LRRTM4: variants seen among roughly 807,000 people sequenced by gnomAD.
LRRTM4 encodes the protein leucine rich repeat transmembrane neuronal 4.
LRRTM4 carries 25 observed loss-of-function variants against 47.6 expected under a neutral mutation model. The ratio of observed to expected loss-of-function variants is 0.53; its 90% CI spans 0.38 to 0.73. LRRTM4 has a LOEUF of 0.73. Ranked by LOEUF, LRRTM4 falls within the 30% of genes least tolerant of loss-of-function variation. LRRTM4 has a pLI of 0.00. For missense variants in LRRTM4, 638 were observed against 713.4 expected (o/e 0.89, Z 1.20); for synonymous variants, 311 against 269.5 (o/e 1.15, Z -1.51).
chr2:76,836,305 C>T (rs780308561), intron 3 of LRRTM4, among the ~76,000 whole-genome samples: 12 of 151,866 alleles, frequency 7.9e-5, no homozygotes, highest in Non-Finnish European at 1.3e-4. Flanking sequence ...AAAAGCAAGA[C>T]CTAATCAAGT....
At chr2:77,517,789 G>A (rs916726851) in intron 3 of LRRTM4, 8 of 984,736 alleles carry the variant, frequency 8.1e-6, no homozygotes, top group Non-Finnish European at 9.6e-6. Flanking sequence ...TAAATGGCAA[G>A]TAACATGGGT....
chr2:76,914,258 A>G (rs922261015), intron 3 of LRRTM4, among the ~76,000 whole-genome samples: 1 of 147,956 alleles, frequency 6.8e-6, no homozygotes, highest in African/African-American at 2.7e-5. Flanking sequence ...TACATGAATA[A>G]TTTAATATAT....
intron 3 of LRRTM4, among the ~76,000 whole-genome samples, chr2:77,340,459 T>C (rs954819224): frequency 6.6e-6 from 1 of 151,982 alleles, no homozygotes; most frequent in African/African-American, 2.4e-5. Context: ...ACAGTGTAAG[T>C]TCTTACTAAA....
chr2:77,299,149 G>A (rs1039892240), intron 3 of LRRTM4, among the ~76,000 whole-genome samples: 4 of 151,862 alleles, frequency 2.6e-5, no homozygotes, highest in Middle Eastern at 3.4e-3. Flanking sequence ...ATTTTAATAC[G>A]ACACTCTACA....
intron 3 of LRRTM4, among the ~76,000 whole-genome samples, chr2:76,795,588 C>CAT (rs1032187404): frequency 9.6e-4 from 67 of 69,474 alleles, no homozygotes; most frequent in African/African-American, 1.6e-3. Context: ...TGCACACACA[C>CAT]ACATACACAC....
intron 3 of LRRTM4, among the ~76,000 whole-genome samples, chr2:76,903,371 CT>C (rs1416540353): frequency 2.0e-5 from 3 of 151,958 alleles, no homozygotes; most frequent in Non-Finnish European, 4.4e-5. Flanking sequence ...CCCATCTCTA[CT>C]AAAAATACAA....
Position 77,519,485 on chromosome 2 carries a change from T to C in LRRTM4, c.384A>G (p.Thr128=). 2 of 1,613,412 alleles carry C rather than the reference T, an allele frequency of 1.2e-6. No individual in the cohort carries two copies. The highest frequency in any genetic ancestry group is 1.7e-6 in the Non-Finnish European group (2 of 1,179,622). ...TGCGGAGATTGGGAACTGGGTGAAATGTTTTATTGTGCAGATAAGTAATTT... is the reference window on the plus strand; with the variant it reads ...TGCGGAGATTGGGAACTGGGTGAAACGTTTTATTGTGCAGATAAGTAATTT... The part of the protein sequence containing the change: ...SNKITYLHNK[T]FHPVPNLRNL... The change falls in exon 3 of 4, where the codon ACA becomes ACG. Residue 128 remains threonine (T), a synonymous_variant. Coordinates refer to ENST00000409884, the MANE Select transcript of LRRTM4 (RefSeq NM_001134745.3). This position sits in a 1 kb window ranked among gnomAD's most constrained non-coding sequence, Gnocchi z 4.6.
At chr2:77,262,936 A>G (rs141714434) in intron 3 of LRRTM4, among the ~76,000 whole-genome samples, 346 of 152,216 alleles carry the variant, frequency 2.3e-3, no homozygotes, top group African/African-American at 8.1e-3. Flanking sequence ...GTTTATATCA[A>G]TGAAGTAGCT....
chr2:76,795,637 G>A (rs1675256057), intron 3 of LRRTM4, among the ~76,000 whole-genome samples: 1 of 151,790 alleles, frequency 6.6e-6, no homozygotes, highest in African/African-American at 2.4e-5. Flanking sequence ...ATGGACACAG[G>A]TTGACTCCAT....
At chr2:77,302,325 A>G (rs754229984) in intron 3 of LRRTM4, among the ~76,000 whole-genome samples, 2 of 152,232 alleles carry the variant, frequency 1.3e-5, no homozygotes, top group African/African-American at 2.4e-5. Flanking sequence ...GAAATAGTAA[A>G]TAGATCTACT....
chr2:76,846,657 C>A (rs1441979701), intron 3 of LRRTM4, among the ~76,000 whole-genome samples: 2 of 152,190 alleles, frequency 1.3e-5, no homozygotes, highest in Non-Finnish European at 2.9e-5. Flanking sequence ...GGTTGGTTTG[C>A]CTGCTTTACT....
chr2:77,288,725 A>G (rs1032136787), intron 3 of LRRTM4, among the ~76,000 whole-genome samples: 1 of 152,092 alleles, frequency 6.6e-6, no homozygotes, highest in Non-Finnish European at 1.5e-5. Context: ...AATAATACCT[A>G]TGTAATGCTT....
In LRRTM4 at chr2:77,289,724, G is replaced by T. The variant is rs911608800; in HGVS notation, c.1551+228594C>A. Among the ~76,000 whole-genome samples the T allele has an allele frequency of 2.3e-4, 35 of 151,970 alleles. 1 individual carries two copies. Among genetic ancestry groups the T allele is most frequent in the African/African-American group, 7.5e-4 (31 of 41,394 alleles). ...TTGAATTTTGCATTCAAGATTACAT[G>T]ATAAGATTTTTGCCAATTTAATTGT... On this transcript the variant is annotated intron_variant, in intron 3 of 3. Coordinates refer to ENST00000409884, the MANE Select transcript of LRRTM4 (RefSeq NM_001134745.3).
intron 3 of LRRTM4, among the ~76,000 whole-genome samples, chr2:77,287,456 G>A (rs1676696689): frequency 1.3e-5 from 2 of 150,900 alleles, no homozygotes; most frequent in African/African-American, 4.9e-5. Flanking sequence ...TTAAACACAA[G>A]TACAGTAGTC....
rs376861629 is a variant in LRRTM4, at chr2:76,797,494, T to C, written c.1552-48578A>G. Among the ~76,000 whole-genome samples, 336 of 151,860 alleles carry C rather than the reference T, an allele frequency of 2.2e-3. 4 individuals are homozygous for C. The highest frequency in any genetic ancestry group is 7.7e-3 in the African/African-American group (318 of 41,360). ...TAAACATGGAAAGGAACAACCGGTATCAGCTGCTGCAAAATCATGCCAAAA... is the reference window on the plus strand; with the variant it reads ...TAAACATGGAAAGGAACAACCGGTACCAGCTGCTGCAAAATCATGCCAAAA... On this transcript the variant is annotated intron_variant, in intron 3 of 3. Transcript: ENST00000409884.
chr2:77,295,809 C>A (rs1451587795), intron 3 of LRRTM4, among the ~76,000 whole-genome samples: 1 of 151,976 alleles, frequency 6.6e-6, no homozygotes, highest in Non-Finnish European at 1.5e-5. Context: ...GATGAGGGCC[C>A]ACTCTAATTA....
chr2:77,061,286 T>C (rs1679776697), intron 3 of LRRTM4, among the ~76,000 whole-genome samples: 1 of 152,184 alleles, frequency 6.6e-6, no homozygotes, highest in Non-Finnish European at 1.5e-5. Flanking sequence ...TAAGTTTATA[T>C]TGCTAATGCC....
chr2:77,373,376 A>G (rs2103774680), intron 3 of LRRTM4, among the ~76,000 whole-genome samples: 1 of 151,710 alleles, frequency 6.6e-6, no homozygotes, highest in East Asian at 1.9e-4. Flanking sequence ...GAAAAAAACC[A>G]TTTGTCTTAA....
chr2:77,371,320 G>A (rs769918395), intron 3 of LRRTM4, among the ~76,000 whole-genome samples: 23 of 151,730 alleles, frequency 1.5e-4, no homozygotes, highest in Non-Finnish European at 2.7e-4. Context: ...TCTACAGACT[G>A]ATACTCTCGG....
Sources: gnomAD v4.1 joint callset for allele counts (sites outside exome capture counted in the v4.1 genomes callset) on GRCh38, gnomAD v4.1.1 for gene constraint, Gnocchi (gnomAD v3.1) non-coding constraint, MANE v1.5 for transcripts, NCBI Gene and HGNC (gene_info 2026-07-23, HGNC 2026-07-21) for gene names.